The following ADAMTSL1 variants were observed in gnomAD, a reference collection of about 807,000 sequenced individuals.
ADAMTSL1 encodes ADAMTS like 1.
In ADAMTSL1, 126 loss-of-function variants were observed where a neutral mutation model predicts 201.8. The observed-to-expected ratio is 0.62, with a 90% confidence interval of 0.54 to 0.72. The LOEUF is 0.72. Ranked by LOEUF, ADAMTSL1 falls within the 30% of genes least tolerant of loss-of-function variation. The pLI is 0.00. For missense variants in ADAMTSL1, 2,679 were observed against 2,277.8 expected (o/e 1.18, Z -3.59); for synonymous variants, 1,121 against 903.4 (o/e 1.24, Z -4.32).
At chr9:18,528,823 A>G (rs1396937353) in intron 2 of ADAMTSL1, among the ~76,000 whole-genome samples, 1 of 152,152 alleles carries the variant, frequency 6.6e-6, no homozygotes, top group African/African-American at 2.4e-5. Flanking sequence ...GGGAGGACAT[A>G]TTTATTTAAA....
At chr9:18,188,697 A>G (rs1161077077) in intron 2 of ADAMTSL1, among the ~76,000 whole-genome samples, 1 of 152,174 alleles carries the variant, frequency 6.6e-6, no homozygotes, top group African/African-American at 2.4e-5. Flanking sequence ...TAGAAAGGGA[A>G]GATTCATGGG....
chr9:18,318,205 C>G (rs1586885889), intron 2 of ADAMTSL1, among the ~76,000 whole-genome samples: 1 of 152,294 alleles, frequency 6.6e-6, no homozygotes, highest in East Asian at 1.9e-4. Context: ...ACTGTATGTT[C>G]TTCAACATTA....
chr9:18,061,845 C>G (rs1010136401), intron 1 of ADAMTSL1, among the ~76,000 whole-genome samples: 1 of 152,198 alleles, frequency 6.6e-6, no homozygotes, highest in Admixed American at 6.5e-5. Flanking sequence ...GTTTCAAAAT[C>G]TCCCGTGATA....
At chr9:18,827,902 A>C (rs192511591) in intron 22 of ADAMTSL1, among the ~76,000 whole-genome samples, 5 of 152,344 alleles carry the variant, frequency 3.3e-5, no homozygotes, top group Non-Finnish European at 7.3e-5. Flanking sequence ...TTCTTGGTTT[A>C]TTAAGGAAAG....
chr9:18,681,060 A>G (rs1431388080), intron 11 of ADAMTSL1: 1 of 152,702 alleles, frequency 6.5e-6, no homozygotes, highest in Non-Finnish European at 1.5e-5. Context: ...GTAATTAAAC[A>G]TAAAATGTCA....
chr9:18,387,742 G>A (rs578033782), intron 2 of ADAMTSL1, among the ~76,000 whole-genome samples: 35 of 151,924 alleles, frequency 2.3e-4, no homozygotes, highest in African/African-American at 7.5e-4. Context: ...AGATTACCAG[G>A]CCATTTATTG....
intron 3 of ADAMTSL1, among the ~76,000 whole-genome samples, chr9:18,565,697 T>C (rs1821847459): frequency 6.6e-6 from 1 of 152,184 alleles, no homozygotes; most frequent in Non-Finnish European, 1.5e-5. Context: ...CTTACAGTGA[T>C]GTGTTAGAGA....
chr9:18,586,610 G>T (rs566207453), intron 4 of ADAMTSL1, among the ~76,000 whole-genome samples: 3 of 151,978 alleles, frequency 2.0e-5, no homozygotes, highest in African/African-American at 2.4e-5. Context: ...AAATTCATAT[G>T]GAATTTTAAA....
rs563451769 is a variant in ADAMTSL1, at chr9:18,735,469, A to C, written c.2006+13804A>C. ...GCCCCACTATCTGATCAGTCTTCAA[A>C]ATGCTTGCTTATTGTGCAGATGTCA... On this transcript the variant is annotated intron_variant, in intron 15 of 28. Transcript: ENST00000380548. Among the ~76,000 whole-genome samples the C allele has an allele frequency of 3.9e-4, 60 of 152,356 alleles. 1 individual carries two copies. In the South Asian group the frequency reaches 5.2e-3, roughly 13 times the overall value.
At chr9:18,390,658 C>T (rs1838006164) in intron 2 of ADAMTSL1, among the ~76,000 whole-genome samples, 1 of 152,150 alleles carries the variant, frequency 6.6e-6, no homozygotes, top group Admixed American at 6.5e-5. Context: ...GACAAACTCC[C>T]AAGAAGAACA....
intron 2 of ADAMTSL1, among the ~76,000 whole-genome samples, chr9:18,193,471 C>A (rs184388934): frequency 6.6e-6 from 1 of 152,074 alleles, no homozygotes; most frequent in Non-Finnish European, 1.5e-5. Flanking sequence ...TTGGAAGAAG[C>A]CTTTCTCTCC....
At chr9:18,756,762 A>G (rs1202192188) in intron 16 of ADAMTSL1, among the ~76,000 whole-genome samples, 1 of 152,238 alleles carries the variant, frequency 6.6e-6, no homozygotes, top group Non-Finnish European at 1.5e-5. Flanking sequence ...AATACAGATA[A>G]CAACCTGATA....
intron 20 of ADAMTSL1, among the ~76,000 whole-genome samples, chr9:18,797,738 A>C (rs926615518): frequency 6.6e-6 from 1 of 152,190 alleles, no homozygotes; most frequent in African/African-American, 2.4e-5. Flanking sequence ...AAATTTAACT[A>C]ACATTATTTT....
At chr9:18,788,979 T>C (rs1182742775) in intron 19 of ADAMTSL1, among the ~76,000 whole-genome samples, 1 of 152,198 alleles carries the variant, frequency 6.6e-6, no homozygotes, top group Non-Finnish European at 1.5e-5. Context: ...AGAATAGAAT[T>C]AAGGTAGTTG....
At chr9:18,474,066 C>A, upstream of ADAMTSL1, 1 of 587,608 alleles carries the variant, frequency 1.7e-6, no homozygotes, top group Non-Finnish European at 3.0e-6. Context: ...TCAGCTTACC[C>A]CCCACCCATC....
In ADAMTSL1 at chr9:18,411,666, G is replaced by T. The variant is rs538203450; in HGVS notation, c.208-93163G>T. 2.0e-4 allele frequency among the ~76,000 whole-genome samples: 31 copies of T among 152,228 alleles called. No homozygotes were observed. The South Asian group carries it at 6.4e-3, about 32-fold the overall frequency. Reference sequence around the variant, plus strand: ...TATCACCCAGCCTTAAAAAATATCAGTATTTTGCTATTCTTTCTTCATCTA... The same window carrying T: ...TATCACCCAGCCTTAAAAAATATCATTATTTTGCTATTCTTTCTTCATCTA... On this transcript the variant is annotated intron_variant, in intron 2 of 29. Coordinates refer to the ADAMTSL1 transcript ENST00000680146.
At position 18,331,689 on chromosome 9, in the gene ADAMTSL1, A is replaced by C. The variant is rs191950506; in HGVS notation, c.207+167708A>C. ...TTTGCCACAAGACCCCAACTTTTCTATCCTATTGCCACCTTTCCTTTCTAT... is the reference window on the plus strand; with the variant it reads ...TTTGCCACAAGACCCCAACTTTTCTCTCCTATTGCCACCTTTCCTTTCTAT... On this transcript the variant is annotated intron_variant, in intron 2 of 29. Transcript: ENST00000680146. 1.5e-4 allele frequency among the ~76,000 whole-genome samples: 23 copies of C among 152,306 alleles called. No individual in the cohort carries two copies. The East Asian group carries it at 4.1e-3, about 27-fold the overall frequency.
rs372622999 is a variant in ADAMTSL1, at chr9:18,706,898, C to T, written c.1726C>T (p.Arg576Cys). 15 of 1,613,934 alleles carry T rather than the reference C, an allele frequency of 9.3e-6. No individual in the cohort carries two copies. Among genetic ancestry groups the T allele is most frequent in the Admixed American group, 1.7e-5 (1 of 60,014 alleles). Reference sequence around the variant, plus strand: ...TGAAGGGCCCAAGCCAGCATCCCAGCGTGCCTGTTATGCAGGCCCATGCAG... The same window carrying T: ...TGAAGGGCCCAAGCCAGCATCCCAGTGTGCCTGTTATGCAGGCCCATGCAG... Reference protein sequence around the residue: ...ECEGPKPASQRACYAGPCSGE... With the variant: ...ECEGPKPASQCACYAGPCSGE... Residue 576 changes from arginine (R) to cysteine (C), a missense_variant, in exon 14 of 29, where the codon CGT becomes TGT. Physicochemically the swap from Arg to Cys is radical, Grantham distance 180. Transcript: ENST00000380548.
chr9:18,302,234 AG>A (rs1199213959), intron 2 of ADAMTSL1, among the ~76,000 whole-genome samples: 1 of 152,114 alleles, frequency 6.6e-6, no homozygotes, highest in African/African-American at 2.4e-5. Flanking sequence ...GGGGGCTCTC[AG>A]GTCACCTGGG....
Sources: gnomAD v4.1 joint callset for allele counts (sites outside exome capture counted in the v4.1 genomes callset) on GRCh38, gnomAD v4.1.1 for gene constraint, MANE v1.5 for transcripts, NCBI Gene and HGNC (gene_info 2026-07-23, HGNC 2026-07-21) for gene names.